The following TRPC1 variants were observed in gnomAD, a reference collection of about 807,000 sequenced individuals.
The protein encoded by TRPC1 is short transient receptor potential channel 1.
TRPC1 carries 42 observed loss-of-function variants against 88.2 expected under a neutral mutation model. The ratio of observed to expected loss-of-function variants is 0.48; its 90% CI spans 0.37 to 0.62. TRPC1 has a LOEUF of 0.62. Among genes scored for constraint, TRPC1 ranks in the 20% least tolerant of loss-of-function variants. The pLI is 0.00. For missense variants in TRPC1, 699 were observed against 957.3 expected (o/e 0.73, Z 3.56); for synonymous variants, 288 against 331.8 (o/e 0.87, Z 1.43).
chr3:142,760,272 G>T (rs1012209247), intron 4 of TRPC1, among the ~76,000 whole-genome samples: 10 of 152,164 alleles, frequency 6.6e-5, no homozygotes, highest in African/African-American at 2.4e-4. Flanking sequence ...AGAGATTGGG[G>T]TCTAGTTTCA....
chr3:142,799,551 AT>A (rs1461117521), intron 9 of TRPC1, among the ~76,000 whole-genome samples: 2 of 152,082 alleles, frequency 1.3e-5, no homozygotes, highest in Non-Finnish European at 2.9e-5. Flanking sequence ...CACACTTCTA[AT>A]TGCAGCACTT....
chr3:142,765,932 C>T (rs114004365), intron 4 of TRPC1, among the ~76,000 whole-genome samples: 7 of 151,278 alleles, frequency 4.6e-5, no homozygotes, highest in East Asian at 1.9e-4. Flanking sequence ...ATGTGGCCAA[C>T]AAGCATATGA....
chr3:142,792,662 A>G lies in TRPC1; in HGVS notation c.1438-162A>G, dbSNP rs569922704. ...TACATAATAATATTTTATTTCATTA[A>G]AATATTATTTCTATTTTTAAAAAAC... On this transcript the variant is annotated intron_variant, in intron 8 of 12. Coordinates refer to ENST00000476941, the MANE Select transcript of TRPC1 (RefSeq NM_001251845.2). This position sits in a 1 kb window ranked among gnomAD's most constrained non-coding sequence, Gnocchi z 4.0. Among the ~76,000 whole-genome samples, 5 of 151,968 alleles carry G rather than the reference A, an allele frequency of 3.3e-5. No homozygotes were observed. The highest frequency in any genetic ancestry group is 7.4e-5 in the Non-Finnish European group (5 of 67,930).
At chr3:142,770,942 C>T (rs949630394) in intron 4 of TRPC1, among the ~76,000 whole-genome samples, 2 of 152,098 alleles carry the variant, frequency 1.3e-5, no homozygotes, top group Admixed American at 6.5e-5. Context: ...CTGTTAAGGA[C>T]CTTAGGAAGC....
At chr3:142,732,259 ACCCTC>A (rs2108012924) in intron 1 of TRPC1, among the ~76,000 whole-genome samples, 1 of 152,114 alleles carries the variant, frequency 6.6e-6, no homozygotes. Flanking sequence ...TTAGGCTCCT[ACCCTC>A]CCTGGAGGCT....
chr3:142,784,780 C>T lies in TRPC1; in HGVS notation c.1037C>T (p.Pro346Leu). The change falls in exon 7 of 13, where the codon CCC becomes CTC. Residue 346 changes from proline to leucine, a missense_variant. By Grantham distance (98) the Pro-to-Leu change is moderately conservative. Transcript: ENST00000476941. ...FGQMSGYRRK[P>L]TCKKIMTVLT... is the part of the protein sequence containing the mutation. ...CAGATGTCGGGTTACCGACGCAAGC[C>T]CACCTGTAAGAAGATAATGACTGTT... The T allele has an allele frequency of 6.2e-7, 1 of 1,614,126 alleles. No individual in the cohort carries two copies. The highest frequency in any genetic ancestry group is 8.5e-7 in the Non-Finnish European group (1 of 1,180,018).
intron 4 of TRPC1, among the ~76,000 whole-genome samples, chr3:142,759,010 C>CT (rs1935085116): frequency 6.6e-6 from 1 of 151,954 alleles, no homozygotes; most frequent in African/African-American, 2.4e-5. Flanking sequence ...TGAACTCATC[C>CT]TTTTTTATGG....
chr3:142,783,752 T>G (rs918299474), intron 6 of TRPC1, among the ~76,000 whole-genome samples: 1 of 152,208 alleles, frequency 6.6e-6, no homozygotes, highest in Non-Finnish European at 1.5e-5. Flanking sequence ...TATTCTGTTT[T>G]GGGATAAATC....
chr3:142,772,048 G>T (rs1935595045), intron 4 of TRPC1, among the ~76,000 whole-genome samples: 1 of 152,028 alleles, frequency 6.6e-6, no homozygotes, highest in Non-Finnish European at 1.5e-5. Flanking sequence ...TATTATTTGG[G>T]TTCCCTTGTA....
chr3:142,795,615 C>T (rs1345113427), intron 9 of TRPC1, among the ~76,000 whole-genome samples: 1 of 151,806 alleles, frequency 6.6e-6, no homozygotes, highest in Non-Finnish European at 1.5e-5. Flanking sequence ...AGTTCTCTAC[C>T]TAGCAAAATA....
Position 142,724,320 on chromosome 3 carries a change from A to C in TRPC1, c.-240A>C. On this transcript the variant is annotated 5_prime_UTR_variant, in exon 1 of 13. Transcript: ENST00000476941. The surrounding 1 kb of genome is among the most constrained non-coding windows in gnomAD (Gnocchi z 5.6). ...TCGGCCGGGGCGCCGGCGGCTGGGGAGGGGTCGCTGGCCCCGGGGCCGCGC... is the reference window on the plus strand; with the variant it reads ...TCGGCCGGGGCGCCGGCGGCTGGGGCGGGGTCGCTGGCCCCGGGGCCGCGC... 1.4e-5 allele frequency: 4 copies of C among 284,582 alleles called. No individual in the cohort carries two copies. The highest frequency in any genetic ancestry group is 1.9e-5 in the Non-Finnish European group (3 of 154,256). The allele number at this position is 284,582 out of a possible 1,614,324, so 17.6% of individuals were successfully genotyped here. A position where few individuals can be genotyped will look rare whatever the true frequency, so the allele number is the denominator to read the frequency against.
At chr3:142,768,177 A>G (rs79308911) in intron 4 of TRPC1, among the ~76,000 whole-genome samples, 52 of 152,146 alleles carry the variant, frequency 3.4e-4, no homozygotes, top group African/African-American at 1.2e-3. Flanking sequence ...TTTTAGGGAA[A>G]TGTTCTATAA....
intron 2 of TRPC1, among the ~76,000 whole-genome samples, chr3:142,739,514 A>C (rs1206906298): frequency 6.6e-6 from 1 of 152,196 alleles, no homozygotes; most frequent in Non-Finnish European, 1.5e-5. Flanking sequence ...TGAGACACTG[A>C]ATTGATTTAG....
chr3:142,783,887 C>A (rs552958227), intron 6 of TRPC1, among the ~76,000 whole-genome samples: 1 of 152,224 alleles, frequency 6.6e-6, no homozygotes, highest in African/African-American at 2.4e-5. Flanking sequence ...TTATACTTCA[C>A]AACATGAGCA....
Position 142,724,445 on chromosome 3 carries a change from A to G in TRPC1, c.-115A>G. On this transcript the variant is annotated 5_prime_UTR_variant, in exon 1 of 13. Coordinates refer to ENST00000476941, the MANE Select transcript of TRPC1 (RefSeq NM_001251845.2). The surrounding 1 kb of genome is among the most constrained non-coding windows in gnomAD (Gnocchi z 5.6). ...CCAACGGGCCTCGAGCCGAGGCAGC[A>G]GTGGGAACGACTCATCCTTTTTCCA... is the stretch of plus-strand genomic sequence containing the variant. 2 of 1,030,220 alleles carry G rather than the reference A, an allele frequency of 1.9e-6. No homozygotes were observed. Among genetic ancestry groups the G allele is most frequent in the Non-Finnish European group, 2.6e-6 (2 of 756,148 alleles). The allele number at this position is 1,030,220 out of a possible 1,614,324, so 63.8% of individuals were successfully genotyped here.
rs116412230 is a variant in TRPC1, at chr3:142,790,615, C to G, written c.1298-404C>G. Among the ~76,000 whole-genome samples, 1,010 of 152,206 alleles carry G rather than the reference C, an allele frequency of 6.6e-3. 6 individuals are homozygous for G. The highest frequency in any genetic ancestry group is 7.3e-3 in the Non-Finnish European group (497 of 67,986). ...GTAGAGAAAAGAAAAGGATCAGGGA[C>G]TGAGCCCCTTGTGCGGGGGTGTGTA... On this transcript the variant is annotated intron_variant, in intron 7 of 12. Transcript: ENST00000476941.
Position 142,748,301 on chromosome 3 carries a change from TG to T in TRPC1, c.475del (p.Asp159MetfsTer7). 1 of 1,614,102 alleles carries T rather than the reference TG, an allele frequency of 6.2e-7. No homozygotes were observed. The highest frequency in any genetic ancestry group is 1.1e-5 in the South Asian group (1 of 91,082). ...CAGAATCCTGAGTATTCAACAACTA[TG>T]GATGTTGCACCTGTCATTTTAGCTG... ...RIQNPEYSTT[M>X]DVAPVILAAH... On this transcript the variant is annotated frameshift_variant, in exon 4 of 13. Transcript: ENST00000476941. LOFTEE classifies it high-confidence loss of function.
chr3:142,792,819 C>T lies in TRPC1; in HGVS notation c.1438-5C>T. 6.3e-7 allele frequency: 1 copy of T among 1,576,554 alleles called. No homozygotes were observed. The highest frequency in any genetic ancestry group is 8.6e-7 in the Non-Finnish European group (1 of 1,163,908). On this transcript the variant is annotated splice_region_variant and splice_polypyrimidine_tract_variant and intron_variant, in intron 8 of 12. Transcript: ENST00000476941. The surrounding 1 kb of genome is among the most constrained non-coding windows in gnomAD (Gnocchi z 4.0). The stretch of plus-strand genomic sequence containing the variant: ...TTACCTTTGGCTTTTTCTTCCTAAC[C>T]TTAGTTTCATGATTTTGCTGATCGG...
intron 9 of TRPC1, among the ~76,000 whole-genome samples, chr3:142,794,269 C>A (rs1326972128): frequency 2.0e-5 from 3 of 151,672 alleles, no homozygotes; most frequent in Non-Finnish European, 4.4e-5. Context: ...TTTTTTTTAA[C>A]TGAAAATGGA....
Sources: gnomAD v4.1 joint callset for allele counts (sites outside exome capture counted in the v4.1 genomes callset) on GRCh38, gnomAD v4.1.1 for gene constraint, Gnocchi (gnomAD v3.1) non-coding constraint, MANE v1.5 for transcripts, NCBI Gene and HGNC (gene_info 2026-07-23, HGNC 2026-07-21) for gene names.